UNC5C: variants seen among roughly 807,000 people sequenced by gnomAD.
The protein encoded by UNC5C is unc-5 netrin receptor C, also known as netrin receptor UNC5C.
In UNC5C, 47 loss-of-function variants were observed where a neutral mutation model predicts 99.8. The ratio of observed to expected loss-of-function variants is 0.47; its 90% CI spans 0.37 to 0.60. UNC5C has a LOEUF of 0.60. Ranked by LOEUF, UNC5C falls within the 20% of genes least tolerant of loss-of-function variation. The pLI is 0.00. For synonymous variants in UNC5C, 487 were observed against 452.2 expected, an observed-to-expected ratio of 1.08 and a Z score of -0.98; for missense variants, 1,062 against 1,165.9, an observed-to-expected ratio of 0.91 and a Z score of 1.30.
intron 1 of UNC5C, among the ~76,000 whole-genome samples, chr4:95,545,821 T>C (rs1438406786): frequency 6.6e-6 from 1 of 151,944 alleles, no homozygotes; most frequent in Non-Finnish European, 1.5e-5. Flanking sequence ...AAATCTTTCA[T>C]TCTTGGAAGT....
chr4:95,379,390 C>T (rs1233658127), intron 1 of UNC5C, among the ~76,000 whole-genome samples: 2 of 152,170 alleles, frequency 1.3e-5, no homozygotes, highest in Non-Finnish European at 2.9e-5. Flanking sequence ...TATAAACTTG[C>T]TGGAGTCTTT....
rs1055860776 is a variant in UNC5C, at chr4:95,345,953, C to G, written c.125-10322G>C. Among the ~76,000 whole-genome samples, 17 of 151,422 alleles carry G rather than the reference C, an allele frequency of 1.1e-4. No homozygotes were observed. In the East Asian group the frequency reaches 1.4e-3, roughly 12 times the overall value. ...CATTCATCTTAATAAACTGGAGAAGCTATAGCAAACTAAACCCAAAAGTAG... is the reference window on the plus strand; with the variant it reads ...CATTCATCTTAATAAACTGGAGAAGGTATAGCAAACTAAACCCAAAAGTAG... On this transcript the variant is annotated intron_variant, in intron 1 of 15. Coordinates refer to ENST00000453304, the MANE Select transcript of UNC5C (RefSeq NM_003728.4).
intron 1 of UNC5C, among the ~76,000 whole-genome samples, chr4:95,346,302 C>G (rs757670667): frequency 2.7e-4 from 41 of 151,836 alleles, no homozygotes; most frequent in Non-Finnish European, 5.0e-4. Flanking sequence ...AGTCTCCCAG[C>G]AAAGAAAAGC....
chr4:95,445,654 C>A lies in UNC5C; in HGVS notation c.124+103080G>T, dbSNP rs1747080296. On this transcript the variant is annotated intron_variant, in intron 1 of 15. Coordinates refer to ENST00000453304, the MANE Select transcript of UNC5C (RefSeq NM_003728.4). ...AGGAAAGCATTTAGAGGAGAAAGTA[C>A]AAGTAAGTTCTTGACAATTTTGTTG... Among the ~76,000 whole-genome samples the A allele has an allele frequency of 2.6e-5, 4 of 152,212 alleles. No homozygotes were observed. The South Asian group carries it at 8.3e-4, about 32-fold the overall frequency.
intron 1 of UNC5C, among the ~76,000 whole-genome samples, chr4:95,493,968 A>G (rs1408281918): frequency 2.0e-5 from 3 of 151,484 alleles, no homozygotes; most frequent in Non-Finnish European, 4.4e-5. Flanking sequence ...TCTGCCAAAG[A>G]TGCCAACTAT....
chr4:95,356,208 A>AAAAAAAAAC (rs1744187628), intron 1 of UNC5C, among the ~76,000 whole-genome samples: 1 of 131,356 alleles, frequency 7.6e-6, no homozygotes, highest in Admixed American at 8.1e-5. Flanking sequence ...AAAAAAAAAA[A>AAAAAAAAAC]AAAACAAAAC....
intron 14 of UNC5C, among the ~76,000 whole-genome samples, chr4:95,176,306 G>A (rs1191791263): frequency 6.6e-6 from 1 of 152,168 alleles, no homozygotes; most frequent in Non-Finnish European, 1.5e-5. Flanking sequence ...TCCTTTGGAG[G>A]AGGAGAGGCG....
intron 1 of UNC5C, among the ~76,000 whole-genome samples, chr4:95,408,020 TA>T (rs1183317759): frequency 3.3e-5 from 5 of 152,194 alleles, no homozygotes; most frequent in Non-Finnish European, 5.9e-5. Context: ...TTTGGCTTTT[TA>T]AAATGTCATG....
At chr4:95,481,156 CAA>C (rs1447713310) in intron 1 of UNC5C, among the ~76,000 whole-genome samples, 2 of 151,938 alleles carry the variant, frequency 1.3e-5, no homozygotes, top group Non-Finnish European at 2.9e-5. Context: ...GAAACTTCAG[CAA>C]AGTCTCAGGA....
At chr4:95,432,690 T>C (rs759232208) in intron 1 of UNC5C, among the ~76,000 whole-genome samples, 1 of 152,198 alleles carries the variant, frequency 6.6e-6, no homozygotes, top group Non-Finnish European at 1.5e-5. Flanking sequence ...GATTTACTGA[T>C]TTAATAAAGA....
chr4:95,175,721 C>T (rs917643396), intron 14 of UNC5C, among the ~76,000 whole-genome samples: 7 of 152,138 alleles, frequency 4.6e-5, no homozygotes, highest in Non-Finnish European at 1.0e-4. Context: ...AATTATGTGT[C>T]TTGGACTTTC....
At chr4:95,367,685 A>G (rs914825382) in intron 1 of UNC5C, among the ~76,000 whole-genome samples, 5 of 152,170 alleles carry the variant, frequency 3.3e-5, no homozygotes, top group African/African-American at 7.2e-5. Flanking sequence ...AACTTTGAAC[A>G]TACTATTTAT....
chr4:95,430,458 T>A (rs896243726), intron 1 of UNC5C, among the ~76,000 whole-genome samples: 5 of 152,142 alleles, frequency 3.3e-5, no homozygotes, highest in African/African-American at 9.7e-5. Flanking sequence ...CTGGTTTACC[T>A]TCAATTACCT....
intron 1 of UNC5C, among the ~76,000 whole-genome samples, chr4:95,386,441 C>A (rs1745214208): frequency 6.6e-6 from 1 of 152,122 alleles, no homozygotes; most frequent in Non-Finnish European, 1.5e-5. Flanking sequence ...GTATTCACTT[C>A]TCCACATTTT....
At chr4:95,492,486 TTA>T (rs1721522259) in intron 1 of UNC5C, among the ~76,000 whole-genome samples, 1 of 151,436 alleles carries the variant, frequency 6.6e-6, no homozygotes, top group African/African-American at 2.4e-5. Flanking sequence ...TCCTTTGTTT[TTA>T]TGATAACCAC....
At chr4:95,504,971 C>G (rs929807413) in intron 1 of UNC5C, among the ~76,000 whole-genome samples, 1 of 151,724 alleles carries the variant, frequency 6.6e-6, no homozygotes, top group African/African-American at 2.4e-5. Flanking sequence ...CAAATGCAAC[C>G]CATCTAAAAT....
chr4:95,432,994 T>C (rs1432579899), intron 1 of UNC5C, among the ~76,000 whole-genome samples: 1 of 152,126 alleles, frequency 6.6e-6, no homozygotes, highest in Non-Finnish European at 1.5e-5. Context: ...AATTGTTCTT[T>C]CTTTTATGTC....
chr4:95,460,121 C>A (rs948151081), intron 1 of UNC5C, among the ~76,000 whole-genome samples: 3 of 150,638 alleles, frequency 2.0e-5, no homozygotes, highest in Non-Finnish European at 4.4e-5. Context: ...AAGTTACCAG[C>A]AAGTACCTCC....
rs1579188453 is a variant in UNC5C, at chr4:95,165,794, A to G, written c.*3440T>C. 6.6e-6 allele frequency: 1 copy of G among 152,226 alleles called. No individual in the cohort carries two copies. The highest frequency in any genetic ancestry group is 1.5e-5 in the Non-Finnish European group (1 of 68,044). The allele number at this position is 152,226 out of a possible 1,614,324, so 9.4% of individuals were successfully genotyped here. ...GGAACTAAAAGGAGATTTAAAGTAT[A>G]CAAACCCCAATGAAAACCATAAGTG... On this transcript the variant is annotated 3_prime_UTR_variant, in exon 16 of 16. Transcript: ENST00000453304.
Sources: allele counts gnomAD v4.1 joint callset (sites outside exome capture counted in the v4.1 genomes callset), GRCh38; gene constraint gnomAD v4.1.1; transcripts MANE v1.5; gene names NCBI Gene and HGNC (gene_info 2026-07-23, HGNC 2026-07-21).